The following SAMSN1 variants were observed in gnomAD, a reference collection of about 807,000 sequenced individuals.
The protein encoded by SAMSN1 is SAM domain, SH3 domain and nuclear localization signals 1.
SAMSN1 carries 31 observed loss-of-function variants against 42.0 expected under a neutral mutation model. That is an observed-to-expected ratio of 0.74 (90% CI 0.55 to 1.00). The LOEUF (loss-of-function observed/expected upper bound fraction) is 1.00, where lower values mean the gene tolerates loss of function less well. Among genes scored for constraint, SAMSN1 ranks in the 50% least tolerant of loss-of-function variants. The probability of loss-of-function intolerance (pLI) is 0.00; values close to 1 mark genes in which losing one functional copy is unlikely to be tolerated. For synonymous variants in SAMSN1, 178 were observed against 151.9 expected (o/e 1.17, Z -1.26); for missense variants, 464 against 439.4 (o/e 1.06, Z -0.50).
At chr21:14,591,274 T>A (rs1982076018) in intron 7 of SAMSN1, 1 of 152,178 alleles carries the variant, frequency 6.6e-6, no homozygotes, top group Non-Finnish European at 1.5e-5. Context: ...TAAAATCAAA[T>A]ATATTCTCCT....
chr21:14,646,609 C>T lies in SAMSN1; in HGVS notation c.25-3476G>A, dbSNP rs544258976. ...TCACTGGTAATAGTAAGTACACAGA[C>T]ATATACAGAATATTATAACACTGTA... On this transcript the variant is annotated intron_variant, in intron 1 of 15. Coordinates refer to the SAMSN1 transcript ENST00000647101. Among the ~76,000 whole-genome samples, 46 of 152,134 alleles carry T rather than the reference C, an allele frequency of 3.0e-4. 1 individual carries two copies. The South Asian group carries it at 9.1e-3, about 30-fold the overall frequency.
chr21:14,510,666 C>A (rs993643568), intron 4 of SAMSN1, among the ~76,000 whole-genome samples: 1 of 133,096 alleles, frequency 7.5e-6, no homozygotes, highest in Non-Finnish European at 1.7e-5. Context: ...CTTTTTCCTG[C>A]CAATCTGGCC....
chr21:14,579,155 C>G (rs988808854), intron 2 of SAMSN1, among the ~76,000 whole-genome samples: 1 of 152,126 alleles, frequency 6.6e-6, no homozygotes, highest in Non-Finnish European at 1.5e-5. Context: ...TCTCAAATCC[C>G]GGAGTGTAAG....
intron 7 of SAMSN1, among the ~76,000 whole-genome samples, chr21:14,589,218 A>G (rs1456762709): frequency 1.3e-5 from 2 of 152,154 alleles, no homozygotes; most frequent in African/African-American, 4.8e-5. Context: ...GATGGAAATT[A>G]TTAGACATCT....
intron 7 of SAMSN1, among the ~76,000 whole-genome samples, chr21:14,487,085 TC>T (rs1414836097): frequency 6.6e-6 from 1 of 152,086 alleles, no homozygotes; most frequent in Non-Finnish European, 1.5e-5. Flanking sequence ...TACCATATCT[TC>T]CTCTTTCCCC....
upstream of SAMSN1, among the ~76,000 whole-genome samples, chr21:14,587,664 C>T (rs1378410219): frequency 6.6e-6 from 1 of 151,964 alleles, no homozygotes; most frequent in Admixed American, 6.6e-5. Flanking sequence ...TATTTCTTTC[C>T]CCAGGCCTCT....
intron 1 of SAMSN1, among the ~76,000 whole-genome samples, chr21:14,653,211 A>T (rs1039798238): frequency 2.0e-5 from 3 of 151,798 alleles, no homozygotes; most frequent in African/African-American, 7.2e-5. Context: ...TTGTTGCAGT[A>T]CTGTTACAAT....
intron 1 of SAMSN1, among the ~76,000 whole-genome samples, chr21:14,521,670 C>T (rs1403552808): frequency 6.6e-6 from 1 of 151,976 alleles, no homozygotes; most frequent in Non-Finnish European, 1.5e-5. Context: ...CACCATTACG[C>T]CTCACAAAGA....
rs530696046 is a variant in SAMSN1 at position 14,555,093 on chromosome 21, C to G, written c.261+27043G>C. Among the ~76,000 whole-genome samples, 40 of 152,256 alleles carry G rather than the reference C, an allele frequency of 2.6e-4. 5 individuals are homozygous for G. Among genetic ancestry groups the G allele is most frequent in the South Asian group, 1.7e-3 (8 of 4,830 alleles). On this transcript the variant is annotated intron_variant, in intron 2 of 8. Coordinates refer to the SAMSN1 transcript ENST00000285670. ...CTGCAGATACTAACCTTTCCATGCC[C>G]TGCTGGGCTGTGGAGAAAAGAAAGT...
chr21:14,615,341 G>T (rs558273069), intron 3 of SAMSN1, among the ~76,000 whole-genome samples: 2 of 152,078 alleles, frequency 1.3e-5, no homozygotes, highest in East Asian at 3.9e-4. Flanking sequence ...GAAAGAATAT[G>T]AAAAAGCACA....
intron 2 of SAMSN1, among the ~76,000 whole-genome samples, chr21:14,520,455 A>G (rs900416976): frequency 2.8e-4 from 42 of 152,344 alleles, no homozygotes; most frequent in African/African-American, 9.6e-4. Flanking sequence ...AGAAATACTC[A>G]GGAAATTTGG....
intron 6 of SAMSN1, among the ~76,000 whole-genome samples, chr21:14,600,977 T>C (rs1369320367): frequency 1.3e-5 from 2 of 152,168 alleles, no homozygotes; most frequent in Admixed American, 6.6e-5. Flanking sequence ...AGAACTATAG[T>C]GTTTTAATGA....
intron 3 of SAMSN1, chr21:14,612,948 G>T: frequency 1.5e-6 from 1 of 676,020 alleles, no homozygotes; most frequent in South Asian, 1.6e-5. Flanking sequence ...TTTAAGTCTA[G>T]ATTTAATAAA....
chr21:14,538,695 G>A (rs554547736), intron 1 of SAMSN1, among the ~76,000 whole-genome samples: 3 of 152,300 alleles, frequency 2.0e-5, no homozygotes, highest in African/African-American at 7.2e-5. Context: ...ACAGCAGGCA[G>A]TGCAGTGAAA....
intron 2 of SAMSN1, among the ~76,000 whole-genome samples, chr21:14,634,073 A>G (rs1335809193): frequency 1.3e-5 from 2 of 152,028 alleles, no homozygotes; most frequent in African/African-American, 2.4e-5. Context: ...CATTATCCCT[A>G]TTTTACAAAC....
chr21:14,580,261 A>C (rs190357408), intron 2 of SAMSN1, among the ~76,000 whole-genome samples: 1 of 152,366 alleles, frequency 6.6e-6, no homozygotes, highest in Admixed American at 6.5e-5. Flanking sequence ...GCAGTTCGGC[A>C]TAGGAAATCA....
chr21:14,634,813 C>T (rs1238094905), intron 2 of SAMSN1, among the ~76,000 whole-genome samples: 1 of 152,150 alleles, frequency 6.6e-6, no homozygotes, highest in African/African-American at 2.4e-5. Context: ...ACAATTTGAC[C>T]CATATATCCC....
intron 5 of SAMSN1, 119 bp from the exon 6 acceptor site, chr21:14,500,854 A>G: frequency 1.3e-6 from 1 of 754,310 alleles, no homozygotes; most frequent in Non-Finnish European, 2.2e-6. Context: ...GATATAACAG[A>G]AACAAATCTA....
In SAMSN1 at chr21:14,574,443, A is replaced by G. The variant is rs1600938486; in HGVS notation, c.261+7693T>C. ...GTAAACAAGCACAGAGTGAAAACAC[A>G]TGAAGAGAGAAAAGGAGCAAAATCC... On this transcript the variant is annotated intron_variant, in intron 2 of 8. Coordinates refer to the SAMSN1 transcript ENST00000285670. 2.0e-5 allele frequency among the ~76,000 whole-genome samples: 3 copies of G among 152,340 alleles called. No homozygotes were observed. The East Asian group carries it at 5.8e-4, about 29-fold the overall frequency.
Sources: gnomAD v4.1 joint callset for allele counts (sites outside exome capture counted in the v4.1 genomes callset) on GRCh38, gnomAD v4.1.1 for gene constraint, MANE v1.5 for transcripts, NCBI Gene and HGNC (gene_info 2026-07-23, HGNC 2026-07-21) for gene names.